Variants in RGS6 observed in about 807,000 individuals in gnomAD.
RGS6 encodes the protein regulator of G-protein signaling 6.
In RGS6, 30 loss-of-function variants were observed where a neutral mutation model predicts 78.5. The observed-to-expected ratio is 0.38, with a 90% CI of 0.29 to 0.52. The LOEUF (loss-of-function observed/expected upper bound fraction) is 0.52. Ranked by LOEUF, RGS6 falls within the 20% of genes least tolerant of loss-of-function variation. The pLI is 0.85. For missense variants in RGS6, 495 were observed against 609.7 expected (o/e 0.81, Z 1.98); for synonymous variants, 206 against 206.0 (o/e 1.00, Z 0.00).
chr14:72,228,323 G>T (rs971179638), intron 2 of RGS6, among the ~76,000 whole-genome samples: 1 of 152,160 alleles, frequency 6.6e-6, no homozygotes, highest in South Asian at 2.1e-4. Flanking sequence ...GGAGGTTGCA[G>T]TGAGTCGAGA....
intron 2 of RGS6, among the ~76,000 whole-genome samples, chr14:72,189,547 C>G (rs527755663): frequency 2.6e-5 from 4 of 152,268 alleles, no homozygotes; most frequent in African/African-American, 9.6e-5. Flanking sequence ...CCGCCAGACA[C>G]TCATTGAAAT....
intron 2 of RGS6, among the ~76,000 whole-genome samples, chr14:72,120,203 A>T (rs1188613829): frequency 6.6e-6 from 1 of 152,224 alleles, no homozygotes; most frequent in Non-Finnish European, 1.5e-5. Flanking sequence ...TGATACTATT[A>T]AGGAATGATA....
In RGS6 at chr14:72,024,154, GC is replaced by G. The variant is rs548092372; in HGVS notation, c.84+59282del. On this transcript the variant is annotated intron_variant, in intron 2 of 17. Coordinates refer to ENST00000553525, the MANE Select transcript of RGS6 (RefSeq NM_001204424.2). ...AGAAGTTGAGAGGCTTTGTAATTCTGCCCTGTCATTTCTGGTAGTGACCACC... is the reference window on the plus strand; with the variant it reads ...AGAAGTTGAGAGGCTTTGTAATTCTGCCTGTCATTTCTGGTAGTGACCACC... Among the ~76,000 whole-genome samples, 5 of 152,308 alleles carry G rather than the reference GC, an allele frequency of 3.3e-5. No individual in the cohort carries two copies. In the East Asian group the frequency reaches 9.6e-4, roughly 29 times the overall value.
At chr14:72,502,777 A>T (rs1213377620) in intron 13 of RGS6, among the ~76,000 whole-genome samples, 1 of 152,106 alleles carries the variant, frequency 6.6e-6, no homozygotes, top group Non-Finnish European at 1.5e-5. Flanking sequence ...AAAAGAAAGG[A>T]AAAGAAAAGA....
At chr14:71,885,692 A>G in the RGS6 span, among the ~76,000 whole-genome samples, 6 of 152,196 alleles carry the variant, frequency 3.9e-5, no homozygotes, top group Non-Finnish European at 8.8e-5. Flanking sequence ...TTAATAATAC[A>G]GCGTTCAGTG....
chr14:72,287,170 T>C (rs551303788), intron 2 of RGS6, among the ~76,000 whole-genome samples: 9 of 152,374 alleles, frequency 5.9e-5, no homozygotes, highest in Admixed American at 4.6e-4. Context: ...TTTTGTTTCC[T>C]GATATTTCAC....
intron 3 of RGS6, among the ~76,000 whole-genome samples, chr14:72,381,097 A>G (rs2085959939): frequency 6.6e-6 from 1 of 152,210 alleles, no homozygotes; most frequent in Middle Eastern, 3.4e-3. Flanking sequence ...TGTCACTCAT[A>G]TGTGGAAGCT....
At position 72,453,204 on chromosome 14, in the gene RGS6, G is replaced by T. The variant is rs183008912; in HGVS notation, c.185-1324G>T. 1.6e-3 allele frequency among the ~76,000 whole-genome samples: 238 copies of T among 152,276 alleles called. 2 individuals are homozygous for T. The highest frequency in any genetic ancestry group is 5.6e-3 in the African/African-American group (233 of 41,530). On this transcript the variant is annotated intron_variant, in intron 3 of 17. Transcript: ENST00000553525. ...TGATTTAACTGGGTCAGGCTGGGTA[G>T]GGGGGAGTTTGTGAGTTTCCAGGTA...
intron 2 of RGS6, among the ~76,000 whole-genome samples, chr14:72,319,124 T>C (rs555093455): frequency 7.6e-4 from 116 of 152,230 alleles, no homozygotes; most frequent in South Asian, 1.9e-3. Flanking sequence ...TACAAAGATA[T>C]TATAATATAA....
chr14:71,936,022 A>ATATATATATG (rs1273602564), intron 1 of RGS6, among the ~76,000 whole-genome samples: 3 of 122,010 alleles, frequency 2.5e-5, no homozygotes, highest in African/African-American at 6.5e-5. Context: ...TAGGATATAT[A>ATATATATATG]TATATATATA....
intron 2 of RGS6, among the ~76,000 whole-genome samples, chr14:72,245,649 C>T (rs1273469376): frequency 6.6e-6 from 1 of 152,260 alleles, no homozygotes; most frequent in African/African-American, 2.4e-5. Flanking sequence ...CCAGCTTGGG[C>T]GTTATGGTCA....
chr14:72,248,653 A>T (rs955572867), intron 2 of RGS6, among the ~76,000 whole-genome samples: 31 of 152,216 alleles, frequency 2.0e-4, no homozygotes, highest in African/African-American at 7.5e-4. Flanking sequence ...AATCAAAGCA[A>T]TGTGCTGCAA....
At chr14:72,197,320 C>G (rs1392745319) in intron 2 of RGS6, among the ~76,000 whole-genome samples, 1 of 152,220 alleles carries the variant, frequency 6.6e-6, no homozygotes, top group Non-Finnish European at 1.5e-5. Flanking sequence ...CCTGCCTTGG[C>G]CTCCCAAAGT....
At chr14:71,875,154 C>T in the RGS6 span, among the ~76,000 whole-genome samples, 3 of 152,226 alleles carry the variant, frequency 2.0e-5, no homozygotes, top group East Asian at 3.9e-4. Flanking sequence ...TGATGCTGGC[C>T]TCATAAAATG....
At chr14:72,491,318 T>C (rs1359443946) in intron 12 of RGS6, among the ~76,000 whole-genome samples, 1 of 150,226 alleles carries the variant, frequency 6.7e-6, no homozygotes, top group Non-Finnish European at 1.5e-5. Context: ...AACGGTGTTC[T>C]ACCACAGCAC....
chr14:72,245,093 G>T (rs1264553342), intron 2 of RGS6, among the ~76,000 whole-genome samples: 1 of 152,190 alleles, frequency 6.6e-6, no homozygotes, highest in Non-Finnish European at 1.5e-5. Flanking sequence ...ATCAGCGTTG[G>T]GGAGGAAAAA....
At chr14:72,200,586 G>T (rs1162634687) in intron 2 of RGS6, among the ~76,000 whole-genome samples, 1 of 151,658 alleles carries the variant, frequency 6.6e-6, no homozygotes, top group African/African-American at 2.4e-5. Context: ...AGCACAGGAC[G>T]GGGAGTGGTA....
At chr14:72,224,760 A>G (rs2153799058) in intron 2 of RGS6, among the ~76,000 whole-genome samples, 1 of 152,206 alleles carries the variant, frequency 6.6e-6, no homozygotes, top group South Asian at 2.1e-4. Flanking sequence ...GGGGACTTAG[A>G]GATCAGTGCT....
At chr14:72,439,475 A>T (rs1350228562) in intron 3 of RGS6, among the ~76,000 whole-genome samples, 1 of 152,368 alleles carries the variant, frequency 6.6e-6, no homozygotes, top group East Asian at 1.9e-4. Flanking sequence ...GATGCAAAGT[A>T]TCAGTGTAGA....
Sources: gnomAD v4.1 joint callset for allele counts (sites outside exome capture counted in the v4.1 genomes callset) on GRCh38, gnomAD v4.1.1 for gene constraint, MANE v1.5 for transcripts, NCBI Gene and HGNC (gene_info 2026-07-23, HGNC 2026-07-21) for gene names.